Variants in AGTPBP1 observed in about 807,000 individuals in gnomAD.
The protein encoded by AGTPBP1 is ATP/GTP binding carboxypeptidase 1, also known as cytosolic carboxypeptidase 1.
Under a neutral mutation model 143.9 loss-of-function variants are expected in AGTPBP1, and 70 were observed. The ratio of observed to expected loss-of-function variants is 0.49; its 90% CI spans 0.40 to 0.59. AGTPBP1 has a LOEUF of 0.59. AGTPBP1 is among the 20% of genes least tolerant of loss of function. The pLI, the probability that AGTPBP1 is intolerant of heterozygous loss-of-function variation, is 0.00. For synonymous variants in AGTPBP1, 463 were observed against 500.2 expected, an observed-to-expected ratio of 0.93 and a Z score of 0.99; for missense variants, 1,229 against 1,464.5, an observed-to-expected ratio of 0.84 and a Z score of 2.62.
intron 18 of AGTPBP1, among the ~76,000 whole-genome samples, chr9:85,593,344 G>C (rs944561614): frequency 6.6e-6 from 1 of 152,098 alleles, no homozygotes; most frequent in African/African-American, 2.4e-5. Context: ...AGCTTCTTTA[G>C]CGAATGAATG....
At chr9:85,689,102 G>T (rs528445306) in intron 3 of AGTPBP1, among the ~76,000 whole-genome samples, 1 of 152,076 alleles carries the variant, frequency 6.6e-6, no homozygotes, top group Non-Finnish European at 1.5e-5. Flanking sequence ...CTCCAAGAGC[G>T]TGCATATAGT....
At chr9:85,758,505 C>T in the AGTPBP1 span, among the ~76,000 whole-genome samples, 2 of 151,924 alleles carry the variant, frequency 1.3e-5, no homozygotes, top group African/African-American at 4.8e-5. Flanking sequence ...ATTAGCCAGG[C>T]GTGGTTGTGG....
chr9:85,805,271 G>GTTTT, the AGTPBP1 span: 8 of 148,688 alleles, frequency 5.4e-5, 1 homozygote, highest in East Asian at 1.6e-3. Flanking sequence ...GCCAGGCCCC[G>GTTTT]CCCCCGCCCC....
chr9:85,655,082 A>C, intron 11 of AGTPBP1, 61 bp downstream of exon 11: 11 of 1,408,960 alleles, frequency 7.8e-6, no homozygotes, highest in Non-Finnish European at 9.4e-6. Context: ...ATAAAAAGAA[A>C]ATCACAGGGT....
In AGTPBP1 at chr9:85,711,441, C is replaced by CTTTT. The variant is rs746034159; in HGVS notation, c.32+1057_32+1060dup. Among the ~76,000 whole-genome samples the CTTTT allele has an allele frequency of 1.6e-4, 22 of 139,304 alleles. No individual in the cohort carries two copies. The East Asian group carries it at 2.7e-3, about 17-fold the overall frequency. 91.4% of individuals were successfully genotyped at this position (139,304 alleles called of 152,430 possible). A position where few individuals can be genotyped will look rare whatever the true frequency, so the allele number is the denominator to read the frequency against. On this transcript the variant is annotated intron_variant, in intron 2 of 25. Coordinates refer to ENST00000357081, the MANE Select transcript of AGTPBP1 (RefSeq NM_001330701.2). The stretch of plus-strand genomic sequence containing the variant: ...CAGTTAAACTTTATCTTTTTTCTTT[C>CTTTT]TTTTTTTTTTTTTTTTGAGACAGAG...
intron 13 of AGTPBP1, among the ~76,000 whole-genome samples, chr9:85,639,367 G>GCGCA (rs1554713133): frequency 0.016 from 2,417 of 147,306 alleles, 54 homozygotes; most frequent in African/African-American, 0.052. Context: ...GCGCGCACGC[G>GCGCA]CACACACACA....
the AGTPBP1 span, among the ~76,000 whole-genome samples, chr9:85,751,846 A>G: frequency 6.7e-6 from 1 of 149,680 alleles, no homozygotes; most frequent in Admixed American, 6.7e-5. Flanking sequence ...ACCTCAGGTG[A>G]TCAGCCTGCC....
chr9:85,550,104 TAGTC>T (rs1416845847), intron 25 of AGTPBP1, among the ~76,000 whole-genome samples: 1 of 151,936 alleles, frequency 6.6e-6, no homozygotes, highest in Non-Finnish European at 1.5e-5. Flanking sequence ...TCGGGCACAT[TAGTC>T]AGGCTGAGTG....
intron 2 of AGTPBP1, among the ~76,000 whole-genome samples, chr9:85,699,250 T>C (rs1350327018): frequency 1.3e-5 from 2 of 152,162 alleles, no homozygotes; most frequent in African/African-American, 4.8e-5. Context: ...TCCCAAAAAG[T>C]TGAAACCATA....
At chr9:85,633,421 A>G in intron 13 of AGTPBP1, 47 bp from the exon 14 acceptor site, 2 of 1,363,776 alleles carry the variant, frequency 1.5e-6, no homozygotes, top group Non-Finnish European at 2.0e-6. Flanking sequence ...AAATATTAAA[A>G]CATATTAACA....
At chr9:85,802,692 C>G in the AGTPBP1 span, among the ~76,000 whole-genome samples, 1 of 152,348 alleles carries the variant, frequency 6.6e-6, no homozygotes, top group East Asian at 1.9e-4. Flanking sequence ...AGAAATATAT[C>G]TTGCTCACAT....
rs1395013516 is a variant in AGTPBP1, at chr9:85,712,534, C to A, written c.-1G>T. 2 of 1,494,844 alleles carry A rather than the reference C, an allele frequency of 1.3e-6. No homozygotes were observed. Among genetic ancestry groups the A allele is most frequent in the Admixed American group, 2.1e-5 (1 of 48,106 alleles). 92.6% of individuals were successfully genotyped at this position (1,494,844 alleles called of 1,614,324 possible). On this transcript the variant is annotated 5_prime_UTR_variant, in exon 2 of 26. Transcript: ENST00000357081. ...CTGGTATCACTTTTAACTTGCTCATCTTGAGTTACTTCATTTCATAATTGC... is the reference window on the plus strand; with the variant it reads ...CTGGTATCACTTTTAACTTGCTCATATTGAGTTACTTCATTTCATAATTGC...
In AGTPBP1 at chr9:85,618,438, C is replaced by T. The variant is rs547980545; in HGVS notation, c.2335+545G>A. On this transcript the variant is annotated intron_variant, in intron 17 of 25. Transcript: ENST00000357081. ...CATGATACCAAAAGCAGATACAGTA[C>T]CAAACAAACAAACAAAAAGACAACT... Among the ~76,000 whole-genome samples, 6 of 151,994 alleles carry T rather than the reference C, an allele frequency of 3.9e-5. No homozygotes were observed. In the South Asian group the frequency reaches 1.2e-3, roughly 32 times the overall value.
chr9:85,769,424 G>A, the AGTPBP1 span, among the ~76,000 whole-genome samples: 1 of 151,218 alleles, frequency 6.6e-6, no homozygotes, highest in African/African-American at 2.4e-5. Flanking sequence ...GGTGGCGTGT[G>A]CCTGTAGTCC....
intron 23 of AGTPBP1, among the ~76,000 whole-genome samples, chr9:85,580,638 T>C (rs1310818008): frequency 1.3e-5 from 2 of 152,170 alleles, no homozygotes; most frequent in Non-Finnish European, 2.9e-5. Flanking sequence ...GATAGTACAA[T>C]GTAATAAGGG....
the AGTPBP1 span, among the ~76,000 whole-genome samples, chr9:85,783,829 C>T: frequency 3.3e-5 from 5 of 151,856 alleles, no homozygotes; most frequent in African/African-American, 7.3e-5. Flanking sequence ...GAGACCATGT[C>T]GGCCAGGCTG....
chr9:85,690,888 G>A (rs1223605221), intron 3 of AGTPBP1, among the ~76,000 whole-genome samples: 2 of 152,180 alleles, frequency 1.3e-5, no homozygotes, highest in Admixed American at 6.5e-5. Context: ...TTCCCTGATA[G>A]CGGTATGGTT....
At chr9:85,577,480 G>T (rs1421092423) in intron 24 of AGTPBP1, among the ~76,000 whole-genome samples, 3 of 152,192 alleles carry the variant, frequency 2.0e-5, no homozygotes, top group African/African-American at 4.8e-5. Flanking sequence ...GGGGACAGGG[G>T]CTGGAAGCTG....
chr9:85,782,502 C>G, the AGTPBP1 span, among the ~76,000 whole-genome samples: 1 of 151,784 alleles, frequency 6.6e-6, no homozygotes, highest in African/African-American at 2.4e-5. Context: ...GCCACAAGAG[C>G]GAAACTCTGT....
Sources: gnomAD v4.1 joint callset for allele counts (sites outside exome capture counted in the v4.1 genomes callset) on GRCh38, gnomAD v4.1.1 for gene constraint, MANE v1.5 for transcripts, NCBI Gene and HGNC (gene_info 2026-07-23, HGNC 2026-07-21) for gene names.